NTM: variants seen among roughly 807,000 people sequenced by gnomAD.
NTM encodes neurotrimin, also known as IgLON family member 2.
Under a neutral mutation model 42.1 loss-of-function variants are expected in NTM, and 13 were observed. The ratio of observed to expected loss-of-function variants is 0.31; its 90% confidence interval spans 0.20 to 0.49. The LOEUF (loss-of-function observed/expected upper bound fraction) is 0.49, where lower values mean the gene tolerates loss of function less well. Among genes scored for constraint, NTM ranks in the 20% least tolerant of loss-of-function variants. The probability of loss-of-function intolerance (pLI) is 0.99; values close to 1 mark genes in which losing one functional copy is unlikely to be tolerated. For missense variants in NTM, 373 were observed against 452.8 expected (o/e 0.82, Z 1.60); for synonymous variants, 187 against 179.2 (o/e 1.04, Z -0.35).
chr11:132,193,230 C>A (rs534951889), intron 3 of NTM, among the ~76,000 whole-genome samples: 1 of 152,074 alleles, frequency 6.6e-6, no homozygotes, highest in Non-Finnish European at 1.5e-5. Flanking sequence ...ATGGCACATA[C>A]TCTAAGATCA....
intron 1 of NTM, among the ~76,000 whole-genome samples, chr11:131,526,595 G>A (rs1036906820): frequency 1.2e-4 from 18 of 152,196 alleles, no homozygotes; most frequent in African/African-American, 3.9e-4. Flanking sequence ...AGTAGAGGCA[G>A]CTCTAATCCT....
At chr11:132,147,904 G>T (rs1201589166) in intron 3 of NTM, among the ~76,000 whole-genome samples, 1 of 152,198 alleles carries the variant, frequency 6.6e-6, no homozygotes, top group Non-Finnish European at 1.5e-5. Context: ...GAGGCCTGCT[G>T]TTTGACAGTA....
At chr11:131,505,847 T>G (rs1024940871) in intron 1 of NTM, among the ~76,000 whole-genome samples, 2 of 152,192 alleles carry the variant, frequency 1.3e-5, no homozygotes, top group African/African-American at 4.8e-5. Context: ...AGGCTTCTGT[T>G]TAACTAGCTG....
At chr11:131,976,547 C>A (rs2064413588) in intron 2 of NTM, among the ~76,000 whole-genome samples, 1 of 152,158 alleles carries the variant, frequency 6.6e-6, no homozygotes, top group Non-Finnish European at 1.5e-5. Context: ...CACTGTTCAA[C>A]ACACAGATAA....
chr11:131,426,269 T>C (rs1948127699), intron 1 of NTM, among the ~76,000 whole-genome samples: 1 of 152,154 alleles, frequency 6.6e-6, no homozygotes, highest in African/African-American at 2.4e-5. Flanking sequence ...CACACATTTC[T>C]TTGTGGACCC....
chr11:131,680,024 C>A (rs1052680490), intron 1 of NTM, among the ~76,000 whole-genome samples: 1 of 152,130 alleles, frequency 6.6e-6, no homozygotes, highest in Admixed American at 6.5e-5. Flanking sequence ...CAATATTCAG[C>A]GGCAGATTTT....
At chr11:131,491,245 C>T (rs190675046) in intron 1 of NTM, among the ~76,000 whole-genome samples, 10 of 152,146 alleles carry the variant, frequency 6.6e-5, no homozygotes, top group Admixed American at 1.3e-4. Context: ...GAGTTTATAC[C>T]GAATTATCTT....
chr11:131,543,699 A>G (rs1332573921), intron 1 of NTM, among the ~76,000 whole-genome samples: 3 of 152,162 alleles, frequency 2.0e-5, no homozygotes, highest in Admixed American at 6.5e-5. Context: ...ACTTTCAGAG[A>G]AGCACAGGTT....
At chr11:131,695,759 G>A (rs1231827017) in intron 1 of NTM, among the ~76,000 whole-genome samples, 2 of 152,170 alleles carry the variant, frequency 1.3e-5, no homozygotes, top group Admixed American at 6.5e-5. Flanking sequence ...TTACATGGAC[G>A]TTTCCCACGT....
chr11:132,018,626 A>C (rs1593774300), intron 2 of NTM, among the ~76,000 whole-genome samples: 1 of 151,986 alleles, frequency 6.6e-6, no homozygotes, highest in East Asian at 1.9e-4. Context: ...GATTCAGCTT[A>C]CTAATGTTTT....
At chr11:131,605,931 T>A (rs139366815) in intron 1 of NTM, 1 of 948,282 alleles carries the variant, frequency 1.1e-6, no homozygotes, top group African/African-American at 1.8e-5. Flanking sequence ...TTTATGTTAC[T>A]TATTTAAAAT....
At chr11:132,316,599 T>C (rs556148804) in intron 7 of NTM, among the ~76,000 whole-genome samples, 1 of 152,318 alleles carries the variant, frequency 6.6e-6, no homozygotes, top group South Asian at 2.1e-4. Flanking sequence ...CTTAACATGC[T>C]AAATCTCTAG....
At chr11:132,262,309 G>C (rs2092910181) in intron 4 of NTM, among the ~76,000 whole-genome samples, 1 of 152,194 alleles carries the variant, frequency 6.6e-6, no homozygotes, top group Non-Finnish European at 1.5e-5. Context: ...AGGTTCCCAG[G>C]ATTTCTGTGT....
At chr11:131,972,514 T>C (rs1291514080) in intron 2 of NTM, among the ~76,000 whole-genome samples, 1 of 152,208 alleles carries the variant, frequency 6.6e-6, no homozygotes, top group African/African-American at 2.4e-5. Flanking sequence ...CTTTGTTTCC[T>C]CCCACGTTGT....
At chr11:132,166,977 G>A (rs1362316541) in intron 3 of NTM, among the ~76,000 whole-genome samples, 3 of 152,120 alleles carry the variant, frequency 2.0e-5, no homozygotes, top group Admixed American at 2.0e-4. Flanking sequence ...TTTCTCCCTG[G>A]ACATCTCCCA....
At chr11:131,578,303 G>A (rs1219072822) in intron 1 of NTM, among the ~76,000 whole-genome samples, 1 of 152,210 alleles carries the variant, frequency 6.6e-6, no homozygotes, top group Non-Finnish European at 1.5e-5. Flanking sequence ...TTCAAATATA[G>A]GTTTATGTCA....
chr11:132,025,858 AT>A (rs1425794058), intron 2 of NTM, among the ~76,000 whole-genome samples: 1 of 152,216 alleles, frequency 6.6e-6, no homozygotes, highest in African/African-American at 2.4e-5. Flanking sequence ...ATTGATTTTC[AT>A]GTCCTAAGCC....
intron 2 of NTM, among the ~76,000 whole-genome samples, chr11:131,968,026 T>A (rs1386474368): frequency 2.0e-5 from 3 of 152,110 alleles, no homozygotes; most frequent in Non-Finnish European, 4.4e-5. Context: ...CGGCTAGAAA[T>A]AACATAAATA....
chr11:131,966,520 C>T (rs943135251), intron 2 of NTM, among the ~76,000 whole-genome samples: 4 of 152,046 alleles, frequency 2.6e-5, no homozygotes, highest in East Asian at 3.9e-4. Flanking sequence ...ATTATGGAGG[C>T]GATGTTTAGC....
Sources: gnomAD v4.1 joint callset for allele counts (sites outside exome capture counted in the v4.1 genomes callset) on GRCh38, gnomAD v4.1.1 for gene constraint, MANE v1.5 for transcripts, NCBI Gene and HGNC (gene_info 2026-07-23, HGNC 2026-07-21) for gene names.